The following CAPRIN1 variants were observed in gnomAD, a reference collection of about 807,000 sequenced individuals.
CAPRIN1 encodes caprin-1.
In CAPRIN1, 29 loss-of-function variants were observed where a neutral mutation model predicts 100.9. The ratio of observed to expected loss-of-function variants is 0.29; its 90% CI spans 0.21 to 0.39. The LOEUF is 0.39. Ranked by LOEUF, CAPRIN1 falls within the 10% of genes least tolerant of loss-of-function variation. CAPRIN1 has a pLI of 1.00. For synonymous variants in CAPRIN1, 338 were observed against 307.5 expected (o/e 1.10, Z -1.04); for missense variants, 795 against 876.7 (o/e 0.91, Z 1.18).
Position 34,079,780 on chromosome 11 carries a change from G to A in CAPRIN1, c.826+15G>A, listed in dbSNP as rs748653155. 6 of 1,601,826 alleles carry A rather than the reference G, an allele frequency of 3.7e-6. No homozygotes were observed. Among genetic ancestry groups the A allele is most frequent in the South Asian group, 1.1e-5 (1 of 89,168 alleles). ...ACCTGAAGCTGGTGAGTATTAGGTG[G>A]ATATCAACTTTAGTTTAGGGTCCTG... is the stretch of plus-strand genomic sequence containing the variant. On this transcript the variant is annotated intron_variant, in intron 7 of 18. Coordinates refer to ENST00000341394, the MANE Select transcript of CAPRIN1 (RefSeq NM_005898.5).
intron 2 of CAPRIN1, among the ~76,000 whole-genome samples, chr11:34,065,475 G>T (rs1209312002): frequency 6.6e-6 from 1 of 152,220 alleles, no homozygotes; most frequent in Non-Finnish European, 1.5e-5. Flanking sequence ...TTCTGATTCA[G>T]TAGGTCTGGG....
intron 2 of CAPRIN1, among the ~76,000 whole-genome samples, chr11:34,055,194 G>T (rs1850424235): frequency 6.6e-6 from 1 of 152,042 alleles, no homozygotes; most frequent in African/African-American, 2.4e-5. Flanking sequence ...CTGTTGCCCA[G>T]GCTGGAGTGC....
chr11:34,067,861 A>G (rs748777474), intron 2 of CAPRIN1, among the ~76,000 whole-genome samples: 25 of 152,034 alleles, frequency 1.6e-4, no homozygotes, highest in Admixed American at 6.6e-5. Flanking sequence ...TTTTGTCATA[A>G]TGTTCCATGA....
At chr11:34,065,522 A>G (rs184241157) in intron 2 of CAPRIN1, among the ~76,000 whole-genome samples, 1 of 152,328 alleles carries the variant, frequency 6.6e-6, no homozygotes, top group East Asian at 1.9e-4. Context: ...ACAAGGTGCC[A>G]GTTGATGCTG....
chr11:34,061,969 CAAAA>C (rs3073356), intron 2 of CAPRIN1, among the ~76,000 whole-genome samples: 5 of 118,250 alleles, frequency 4.2e-5, no homozygotes, highest in Admixed American at 1.8e-4. Flanking sequence ...GAGTCTGTCT[CAAAA>C]AAAAAAAAAA....
chr11:34,069,306 T>C (rs917347635), intron 2 of CAPRIN1, among the ~76,000 whole-genome samples: 8 of 151,914 alleles, frequency 5.3e-5, no homozygotes, highest in African/African-American at 1.2e-4. Context: ...CGCGCCACCA[T>C]GCCTGGCTAA....
intron 15 of CAPRIN1, 119 bp from the exon 16 acceptor site, chr11:34,096,360 A>G (rs1485270618): frequency 1.1e-5 from 7 of 652,216 alleles, no homozygotes; most frequent in Non-Finnish European, 2.6e-6. Flanking sequence ...ATTGTATGCA[A>G]ATTTAAGGAT....
In CAPRIN1 at chr11:34,071,618, G is replaced by T. The variant is rs1013058768; in HGVS notation, c.217-108G>T. 6.3e-6 allele frequency: 5 copies of T among 789,598 alleles called. No individual in the cohort carries two copies. In the African/African-American group the frequency reaches 8.8e-5, roughly 14 times the overall value. The allele number at this position is 789,598 out of a possible 1,614,324, so 48.9% of individuals were successfully genotyped here. On this transcript the variant is annotated intron_variant, in intron 2 of 18. Coordinates refer to ENST00000341394, the MANE Select transcript of CAPRIN1 (RefSeq NM_005898.5). ...GAATATATCTTAAAAGTTTATTTAA[G>T]TCAAAATTTGAGACAAACTTAGAGG...
At chr11:34,092,150 A>T in intron 15 of CAPRIN1, 94 bp downstream of exon 15, 1 of 1,273,148 alleles carries the variant, frequency 7.9e-7, no homozygotes, top group Non-Finnish European at 1.1e-6. Context: ...GGTGGTGTCC[A>T]AGAGTTTCTG....
rs771281219 is a variant in CAPRIN1 at position 34,089,384 on chromosome 11, C to T, written c.1232-11C>T. The stretch of plus-strand genomic sequence containing the variant: ...TTTTGTTTGACAAAAATGTTTTGGT[C>T]ACCTTTGCAGTTCATTCTGAATCTA... On this transcript the variant is annotated splice_polypyrimidine_tract_variant and intron_variant, in intron 11 of 18. Transcript: ENST00000341394. 1 of 1,571,428 alleles carries T rather than the reference C, an allele frequency of 6.4e-7. No individual in the cohort carries two copies. The highest frequency in any genetic ancestry group is 1.8e-5 in the Admixed American group (1 of 55,274).
intron 14 of CAPRIN1, 141 bp from the exon 15 acceptor site, chr11:34,091,765 G>A (rs1851269553): frequency 2.9e-6 from 2 of 684,116 alleles, no homozygotes; most frequent in Non-Finnish European, 5.0e-6. Flanking sequence ...AGGGATTTTT[G>A]TATGTGTGTG....
At chr11:34,058,081 A>G (rs1244325303) in intron 2 of CAPRIN1, among the ~76,000 whole-genome samples, 1 of 151,976 alleles carries the variant, frequency 6.6e-6, no homozygotes, top group Non-Finnish European at 1.5e-5. Context: ...TTTATAGAAG[A>G]CAAAATTGAG....
chr11:34,096,910 C>A (rs1378170784), intron 16 of CAPRIN1, among the ~76,000 whole-genome samples: 1 of 152,132 alleles, frequency 6.6e-6, no homozygotes, highest in Non-Finnish European at 1.5e-5. Context: ...ACCACTATCT[C>A]CTGGAGGATA....
intron 12 of CAPRIN1, 196 bp from the exon 13 acceptor site, chr11:34,089,983 G>A: frequency 2.8e-6 from 1 of 357,574 alleles, no homozygotes; most frequent in Admixed American, 4.3e-5. Flanking sequence ...TTAACGTCGA[G>A]CTTCAAAAAT....
chr11:34,102,205 C>T lies in CAPRIN1; in HGVS notation c.*2838C>T, dbSNP rs976495578. Among the ~76,000 whole-genome samples the T allele has an allele frequency of 6.6e-6, 1 of 152,144 alleles. No individual in the cohort carries two copies. Among genetic ancestry groups the T allele is most frequent in the African/African-American group, 2.4e-5 (1 of 41,448 alleles). ...AATGTGTGCTTATTCTCAGAAGGTT[C>T]ATTAACTGAGGTGATGAGTTAACAA... On this transcript the variant is annotated 3_prime_UTR_variant, in exon 19 of 19. Transcript: ENST00000341394.
intron 4 of CAPRIN1, among the ~76,000 whole-genome samples, chr11:34,074,009 G>T (rs1486044293): frequency 1.3e-5 from 2 of 152,096 alleles, no homozygotes; most frequent in Non-Finnish European, 2.9e-5. Flanking sequence ...TCATACTCCT[G>T]CAAGCTCTTT....
chr11:34,060,150 C>T (rs1475666227), intron 2 of CAPRIN1, among the ~76,000 whole-genome samples: 3 of 141,880 alleles, frequency 2.1e-5, no homozygotes, highest in Non-Finnish European at 4.5e-5. Flanking sequence ...GAGCCGAGAT[C>T]GCGCCACTGT....
chr11:34,080,202 C>T lies in CAPRIN1; in HGVS notation c.826+437C>T, dbSNP rs760283719. ...CCTCCCAAAGTGCTGAGATTACAGGCGTGAGCCACTGCGCCCGGCCTTGAC... is the reference window on the plus strand; with the variant it reads ...CCTCCCAAAGTGCTGAGATTACAGGTGTGAGCCACTGCGCCCGGCCTTGAC... On this transcript the variant is annotated intron_variant, in intron 7 of 18. Transcript: ENST00000341394. 1.2e-4 allele frequency among the ~76,000 whole-genome samples: 18 copies of T among 152,160 alleles called. No homozygotes were observed. In the South Asian group the frequency reaches 1.2e-3, roughly 11 times the overall value.
intron 2 of CAPRIN1, among the ~76,000 whole-genome samples, chr11:34,060,990 C>T (rs1850565651): frequency 6.6e-6 from 1 of 152,118 alleles, no homozygotes; most frequent in South Asian, 2.1e-4. Flanking sequence ...GATGCTGGAA[C>T]TTGTTAACAT....
Sources: allele counts gnomAD v4.1 joint callset (sites outside exome capture counted in the v4.1 genomes callset), GRCh38; gene constraint gnomAD v4.1.1; transcripts MANE v1.5; gene names NCBI Gene and HGNC (gene_info 2026-07-23, HGNC 2026-07-21).